The following PLAC1 variants were observed in gnomAD, a reference collection of about 807,000 sequenced individuals.
The protein encoded by PLAC1 is placenta associated 1, also known as placenta-specific protein 1.
For missense variants in PLAC1, 136 were observed against 163.2 expected, an observed-to-expected ratio of 0.83 and a Z score of 0.91; for synonymous variants, 68 against 62.1, an observed-to-expected ratio of 1.09 and a Z score of -0.44.
chrX:134,720,268 A>G (rs1205221736), intron 2 of PLAC1, among the ~76,000 whole-genome samples: 1 of 112,419 alleles, frequency 8.9e-6, no homozygotes, highest in Non-Finnish European at 1.9e-5. Flanking sequence ...CTAATTAGAA[A>G]TAAATTTAAC....
chrX:134,594,737 T>TTC (rs1241123768), intron 2 of PLAC1, among the ~76,000 whole-genome samples: 7 of 110,322 alleles, frequency 6.3e-5, no homozygotes, highest in Non-Finnish European at 1.3e-4. Flanking sequence ...AATTTGTTTC[T>TTC]TCTCTCTCTC....
intron 1 of PLAC1, among the ~76,000 whole-genome samples, chrX:134,637,461 C>T (rs138506822): frequency 0.013 from 1,457 of 111,996 alleles, 11 homozygotes; most frequent in Middle Eastern, 0.027. Context: ...ACACCACTAT[C>T]GTCACCATAA....
intron 2 of PLAC1, among the ~76,000 whole-genome samples, chrX:134,677,279 G>A (rs1196449926): frequency 1.8e-5 from 2 of 112,280 alleles, no homozygotes; most frequent in East Asian, 5.6e-4. Flanking sequence ...TAGCTGCTGA[G>A]GTCATAGCAG....
chrX:134,592,490 G>T (rs6638274), intron 2 of PLAC1, among the ~76,000 whole-genome samples: 2 of 110,728 alleles, frequency 1.8e-5, no homozygotes, highest in African/African-American at 6.6e-5. Flanking sequence ...CCATAATGGG[G>T]GTGGGCCTTA....
intron 2 of PLAC1, among the ~76,000 whole-genome samples, chrX:134,568,226 CTGAGA>C (rs1261666237): frequency 1.8e-5 from 2 of 112,802 alleles, no homozygotes; most frequent in Non-Finnish European, 3.7e-5. Flanking sequence ...TTGTTCCCTG[CTGAGA>C]TAAGTAACCC....
At chrX:134,617,033 G>A (rs1179934408) in intron 1 of PLAC1, among the ~76,000 whole-genome samples, 2 of 108,365 alleles carry the variant, frequency 1.8e-5, no homozygotes, top group Non-Finnish European at 3.8e-5. Context: ...CTTTTGCCCA[G>A]TCAGGAGTGC....
At chrX:134,577,669 CAGAG>C (rs750575743) in intron 2 of PLAC1, among the ~76,000 whole-genome samples, 1 of 107,795 alleles carries the variant, frequency 9.3e-6, no homozygotes, top group Non-Finnish European at 1.9e-5. Context: ...GCCTGGGCAA[CAGAG>C]AGAGAGACTC....
chrX:134,587,833 C>T (rs762541193), intron 2 of PLAC1, among the ~76,000 whole-genome samples: 2 of 112,050 alleles, frequency 1.8e-5, no homozygotes, highest in Non-Finnish European at 3.8e-5. Context: ...GTTCATAAGA[C>T]CCACTAGCTT....
chrX:134,635,019 G>A (rs1443332642), intron 1 of PLAC1, among the ~76,000 whole-genome samples: 1 of 111,883 alleles, frequency 8.9e-6, no homozygotes, highest in Non-Finnish European at 1.9e-5. Flanking sequence ...TGGAGGTGAC[G>A]TTTTGATCCT....
At chrX:134,589,381 G>A (rs938575857) in intron 2 of PLAC1, among the ~76,000 whole-genome samples, 26 of 111,235 alleles carry the variant, frequency 2.3e-4, no homozygotes, top group Non-Finnish European at 9.4e-5. Context: ...ATGGATACAT[G>A]AGTACTGATG....
intron 1 of PLAC1, among the ~76,000 whole-genome samples, chrX:134,631,046 C>T (rs2078258633): frequency 9.0e-6 from 1 of 110,949 alleles, no homozygotes; most frequent in Non-Finnish European, 1.9e-5. Flanking sequence ...TAGTGGTTTC[C>T]GGGAGCCGGT....
Position 134,565,854 on chromosome X carries a change from ATT to A in PLAC1, c.*188_*189del. 5.0e-6 allele frequency: 2 copies of A among 400,660 alleles called. No individual in the cohort carries two copies. The highest frequency in any genetic ancestry group is 8.6e-6 in the Non-Finnish European group (2 of 233,836). 33.0% of individuals were successfully genotyped at this position (400,660 alleles called of 1,213,427 possible). A position where few individuals can be genotyped will look rare whatever the true frequency, so the allele number is the denominator to read the frequency against. ...CCCAACATATTTTTATGCGATCAGA[ATT>A]TTATTTTATTTTTTGTTTACACATG... is the stretch of plus-strand genomic sequence containing the variant. On this transcript the variant is annotated 3_prime_UTR_variant, in exon 3 of 3. Coordinates refer to ENST00000359237, the MANE Select transcript of PLAC1 (RefSeq NM_021796.4).
chrX:134,578,330 G>A (rs1164066161), intron 2 of PLAC1, among the ~76,000 whole-genome samples: 4 of 103,127 alleles, frequency 3.9e-5, no homozygotes, highest in East Asian at 3.1e-4. Context: ...GGAGAATGGC[G>A]TGAACCCGGG....
At chrX:134,619,658 AAAAAAAG>A (rs746985544) in intron 1 of PLAC1, among the ~76,000 whole-genome samples, 12 of 110,826 alleles carry the variant, frequency 1.1e-4, no homozygotes, top group South Asian at 3.8e-4. Context: ...CTCAAAAAAA[AAAAAAAG>A]AAAAAAGAAA....
chrX:134,667,592 A>G (rs2147808992), intron 2 of PLAC1, among the ~76,000 whole-genome samples: 1 of 111,605 alleles, frequency 9.0e-6, no homozygotes, highest in African/African-American at 3.3e-5. Flanking sequence ...TGTAATATGC[A>G]GCTGCTTTGA....
chrX:134,644,605 C>T (rs1364472145), intron 1 of PLAC1, among the ~76,000 whole-genome samples: 1 of 108,924 alleles, frequency 9.2e-6, no homozygotes, highest in Non-Finnish European at 1.9e-5. Flanking sequence ...CCCCTGCCCC[C>T]GAGACAGGCC....
chrX:134,703,590 C>A (rs2078590762), intron 2 of PLAC1, among the ~76,000 whole-genome samples: 1 of 110,121 alleles, frequency 9.1e-6, no homozygotes, highest in African/African-American at 3.3e-5. Flanking sequence ...GACTGGAGTT[C>A]AAGAAACAAT....
At chrX:134,721,939 G>A (rs1446294382) in intron 2 of PLAC1, among the ~76,000 whole-genome samples, 3 of 112,011 alleles carry the variant, frequency 2.7e-5, no homozygotes, top group Admixed American at 9.5e-5. Flanking sequence ...GAATTGGAAC[G>A]CTCATACATT....
At chrX:134,589,440 A>C (rs1163679880) in intron 2 of PLAC1, among the ~76,000 whole-genome samples, 6 of 111,366 alleles carry the variant, frequency 5.4e-5, no homozygotes, top group Admixed American at 3.8e-4. Context: ...TCTGTACCTC[A>C]AAGAACATAC....
Sources: gnomAD v4.1 joint callset for allele counts (sites outside exome capture counted in the v4.1 genomes callset) on GRCh38, gnomAD v4.1.1 for gene constraint, MANE v1.5 for transcripts, NCBI Gene and HGNC (gene_info 2026-07-23, HGNC 2026-07-21) for gene names.